Variants in RAPGEF3 observed in about 807,000 individuals in gnomAD.
RAPGEF3 encodes the protein 9330170P05Rik.
Under a neutral mutation model 129.8 loss-of-function variants are expected in RAPGEF3, and 103 were observed. The observed-to-expected ratio is 0.79, with a 90% CI of 0.68 to 0.93. RAPGEF3 has a LOEUF of 0.93. Ranked by LOEUF, RAPGEF3 falls within the 40% of genes least tolerant of loss-of-function variation. RAPGEF3 has a pLI of 0.00. For missense variants in RAPGEF3, 1,117 were observed against 1,207.4 expected (o/e 0.93, Z 1.11); for synonymous variants, 436 against 482.6 (o/e 0.90, Z 1.26).
intron 2 of RAPGEF3, among the ~76,000 whole-genome samples, 180 bp from the exon 3 acceptor site, chr12:47,752,149 C>T (rs1298229649): frequency 1.3e-5 from 2 of 152,214 alleles, no homozygotes; most frequent in Non-Finnish European, 2.9e-5. Flanking sequence ...CGGGCATCGC[C>T]TCTTCCCACC....
At chr12:47,746,720 T>A in intron 16 of RAPGEF3, 140 bp downstream of exon 16, 2 of 1,027,666 alleles carry the variant, frequency 1.9e-6, no homozygotes, top group Non-Finnish European at 3.0e-6. Flanking sequence ...AAGGGCCCCG[T>A]GAACACCTAT....
At chr12:47,741,682 G>A in intron 18 of RAPGEF3, 80 bp from the exon 19 acceptor site, 4 of 1,207,540 alleles carry the variant, frequency 3.3e-6, no homozygotes, top group Admixed American at 1.7e-5. Flanking sequence ...TGGAGGTGCT[G>A]TTTGGGAGGC....
intron 18 of RAPGEF3, 21 bp from the exon 19 acceptor site, chr12:47,741,623 G>A: frequency 6.3e-7 from 1 of 1,581,506 alleles, no homozygotes; most frequent in Non-Finnish European, 8.7e-7. Context: ...AGCAGAGGCG[G>A]ACTGGGTGGG....
At chr12:47,748,646 C>T (rs1187076186) in intron 11 of RAPGEF3, 104 bp from the exon 12 acceptor site, 1 of 1,131,744 alleles carries the variant, frequency 8.8e-7, no homozygotes, top group Non-Finnish European at 1.3e-6. Context: ...ATTAGCCAGC[C>T]CTGTCCCACC....
intron 5 of RAPGEF3, 91 bp from the exon 6 acceptor site, chr12:47,751,307 C>T: frequency 6.3e-7 from 1 of 1,578,588 alleles, no homozygotes; most frequent in Non-Finnish European, 8.6e-7. Context: ...CTCAGCACTC[C>T]CCAAGTAGTG....
chr12:47,749,610 G>A lies in RAPGEF3; in HGVS notation c.895-74C>T, dbSNP rs551664257. The A allele has an allele frequency of 9.8e-6, 14 of 1,426,666 alleles. No individual in the cohort carries two copies. The highest frequency in any genetic ancestry group is 1.4e-5 in the African/African-American group (1 of 69,120). 88.4% of individuals were successfully genotyped at this position (1,426,666 alleles called of 1,614,324 possible). A position where few individuals can be genotyped will look rare whatever the true frequency, so the allele number is the denominator to read the frequency against. ...CCAGCTCTTGCCAGGACAGACCCACGGCAGGAGAACAACCCACACAGGAGA... is the reference window on the plus strand; with the variant it reads ...CCAGCTCTTGCCAGGACAGACCCACAGCAGGAGAACAACCCACACAGGAGA... On this transcript the variant is annotated intron_variant, in intron 9 of 27. Transcript: ENST00000449771. This position sits in a 1 kb window ranked among gnomAD's most constrained non-coding sequence, Gnocchi z 4.5.
In RAPGEF3 at chr12:47,750,379, G is replaced by A. The variant is rs750078963; in HGVS notation, c.718C>T (p.Leu240=). ...DEELDLIFEE[L]LHIKAVAHLS... is the part of the protein sequence containing the mutation. ...TGGGCCACAGCCTTGATGTGCAGCA[G>A]CTCCTCAAAGATGAGGTCCAGCTCT... Residue 240 remains leucine, a synonymous_variant, in exon 7 of 28, where the codon CTG becomes TTG. Transcript: ENST00000449771. 1.2e-6 allele frequency: 2 copies of A among 1,613,934 alleles called. No individual in the cohort carries two copies. The highest frequency in any genetic ancestry group is 1.7e-6 in the Non-Finnish European group (2 of 1,179,946).
At chr12:47,751,319 C>T (rs12305334) in intron 5 of RAPGEF3, 80 bp downstream of exon 5, 1 of 1,589,686 alleles carries the variant, frequency 6.3e-7, no homozygotes, top group Non-Finnish European at 8.6e-7. Context: ...CAAGTAGTGC[C>T]TGCTTCCCAG....
intron 2 of RAPGEF3, among the ~76,000 whole-genome samples, chr12:47,757,499 G>T (rs964160575): frequency 1.3e-5 from 2 of 152,126 alleles, no homozygotes; most frequent in African/African-American, 4.8e-5. Context: ...CTGTAACCAA[G>T]CTTACCTCAC....
In RAPGEF3 at chr12:47,738,744, GA is replaced by G; in HGVS notation, c.2471del (p.Phe824SerfsTer9). 1 of 1,609,718 alleles carries G rather than the reference GA, an allele frequency of 6.2e-7. No individual in the cohort carries two copies. Among genetic ancestry groups the G allele is most frequent in the Non-Finnish European group, 8.5e-7 (1 of 1,176,004 alleles). On this transcript the variant is annotated frameshift_variant, in exon 25 of 28. Transcript: ENST00000449771. LOFTEE classifies it high-confidence loss of function. The stretch of plus-strand genomic sequence containing the variant: ...CTAGTGTGTGGTTTCCCTCATGAAT[GA>G]AGGTCATGTCTGCAAAGAGATGGGT... ...FMPLLLKDMT[F>X]IHEGNHTLVE... is the part of the protein sequence containing the mutation.
intron 2 of RAPGEF3, among the ~76,000 whole-genome samples, 177 bp downstream of exon 2, chr12:47,757,689 C>T (rs1942164577): frequency 6.6e-6 from 1 of 152,288 alleles, no homozygotes; most frequent in South Asian, 2.1e-4. Flanking sequence ...CACGTTGCAG[C>T]TGTGTGAGCC....
intron 2 of RAPGEF3, among the ~76,000 whole-genome samples, chr12:47,756,830 G>A (rs1034272830): frequency 1.3e-5 from 2 of 152,088 alleles, no homozygotes; most frequent in African/African-American, 2.4e-5. Flanking sequence ...TTAGCTGGGC[G>A]TGGTGGCGCA....
intron 2 of RAPGEF3, among the ~76,000 whole-genome samples, chr12:47,754,262 A>G (rs1483792657): frequency 6.6e-6 from 1 of 152,252 alleles, no homozygotes; most frequent in Non-Finnish European, 1.5e-5. Flanking sequence ...TTTGTGCTAT[A>G]GGCACAGACA....
In RAPGEF3 at chr12:47,751,807, C is replaced by G; in HGVS notation, c.296G>C (p.Arg99Thr). The change falls in exon 4 of 28, where the codon AGG becomes ACG. Residue 99 changes from arginine to threonine, a missense_variant. Transcript: ENST00000449771. ...ATGCCGATGCAGCTGCCTCCCAGCCCTGAGCACCCGCTCTGTGGAGGCCTT... is the reference window on the plus strand; with the variant it reads ...ATGCCGATGCAGCTGCCTCCCAGCCGTGAGCACCCGCTCTGTGGAGGCCTT... ...LEQASTERVLRAGRQLHRHLL... is the reference protein window; with the variant it reads ...LEQASTERVLTAGRQLHRHLL... The G allele has an allele frequency of 1.2e-6, 2 of 1,614,196 alleles. No homozygotes were observed. Among genetic ancestry groups the G allele is most frequent in the South Asian group, 1.1e-5 (1 of 91,086 alleles).
At position 47,758,733 on chromosome 12, in the gene RAPGEF3, G is replaced by C. The variant is rs1942256143; in HGVS notation, c.-177C>G. 1.5e-6 allele frequency: 2 copies of C among 1,340,772 alleles called. No homozygotes were observed. The highest frequency in any genetic ancestry group is 3.2e-5 in the Admixed American group (1 of 31,486). The allele number at this position is 1,340,772 out of a possible 1,614,324, so 83.1% of individuals were successfully genotyped here. On this transcript the variant is annotated 5_prime_UTR_variant, in exon 1 of 28. Transcript: ENST00000449771. ...GCCAGGGCAGCAGGATGCAGGGCTCGGTGGAGAGGCTCCTCTTGGGTGAGT... is the reference window on the plus strand; with the variant it reads ...GCCAGGGCAGCAGGATGCAGGGCTCCGTGGAGAGGCTCCTCTTGGGTGAGT...
chr12:47,737,353 C>T lies in RAPGEF3; in HGVS notation c.*214G>A. 1 of 575,056 alleles carries T rather than the reference C, an allele frequency of 1.7e-6. No homozygotes were observed. Among genetic ancestry groups the T allele is most frequent in the South Asian group, 2.0e-5 (1 of 49,628 alleles). 35.6% of individuals were successfully genotyped at this position (575,056 alleles called of 1,614,324 possible). ...TGTCCTCCCTTCCTTGGCCTTGGGT[C>T]ATTCGTTATTCCTGGCTCGGGTCCA... On this transcript the variant is annotated 3_prime_UTR_variant, in exon 28 of 28. Coordinates refer to ENST00000449771, the MANE Select transcript of RAPGEF3 (RefSeq NM_001098531.4).
intron 16 of RAPGEF3, chr12:47,746,485 G>T (rs896141805): frequency 1.7e-6 from 1 of 578,900 alleles, no homozygotes. Context: ...CCAGGGAGGG[G>T]CCTCGCCTTC....
chr12:47,746,434 T>C, intron 16 of RAPGEF3: 1 of 541,824 alleles, frequency 1.8e-6, no homozygotes, highest in South Asian at 2.5e-5. Context: ...TGCTTCCCTT[T>C]AAGCCCCAGC....
chr12:47,751,370 G>GGGGCACCCCACCCT, intron 5 of RAPGEF3, 29 bp downstream of exon 5: 1 of 1,612,074 alleles, frequency 6.2e-7, no homozygotes, highest in Non-Finnish European at 8.5e-7. Flanking sequence ...AGCCCAGCCC[G>GGGGCACCCCACCCT]GGGCACCCCA....
Sources: gnomAD v4.1 joint callset for allele counts (sites outside exome capture counted in the v4.1 genomes callset) on GRCh38, gnomAD v4.1.1 for gene constraint, Gnocchi (gnomAD v3.1) non-coding constraint, MANE v1.5 for transcripts, NCBI Gene and HGNC (gene_info 2026-07-23, HGNC 2026-07-21) for gene names.